EPB41: variants seen among roughly 807,000 people sequenced by gnomAD.
EPB41 encodes the protein erythrocyte membrane protein band 4.1.
In EPB41, 65 loss-of-function variants were observed where a neutral mutation model predicts 108.0. The ratio of observed to expected loss-of-function variants is 0.60; its 90% confidence interval spans 0.49 to 0.74. The LOEUF is 0.74. Ranked by LOEUF, EPB41 falls within the 30% of genes least tolerant of loss-of-function variation. The probability of loss-of-function intolerance (pLI) is 0.00; values close to 1 mark genes in which losing one functional copy is unlikely to be tolerated. For missense variants in EPB41, 875 were observed against 1,037.0 expected (o/e 0.84, Z 2.15); for synonymous variants, 336 against 358.9 (o/e 0.94, Z 0.72).
At chr1:29,069,386 C>G in intron 16 of EPB41, 1 of 1,229,592 alleles carries the variant, frequency 8.1e-7, no homozygotes, top group Non-Finnish European at 1.0e-6. Flanking sequence ...AAAAAACTTT[C>G]TTTAAAAGTG....
At chr1:29,016,513 T>C (rs1002595768) in intron 6 of EPB41, among the ~76,000 whole-genome samples, 1 of 151,966 alleles carries the variant, frequency 6.6e-6, no homozygotes, top group Non-Finnish European at 1.5e-5. Flanking sequence ...CTTATAGGTA[T>C]CAAAAAAGCT....
chr1:29,049,476 A>G (rs761945614), intron 11 of EPB41, among the ~76,000 whole-genome samples: 6 of 151,942 alleles, frequency 3.9e-5, no homozygotes, highest in Non-Finnish European at 8.8e-5. Flanking sequence ...CCCAAGCCTC[A>G]CTCTTGGATA....
intron 6 of EPB41, among the ~76,000 whole-genome samples, chr1:29,016,677 C>T (rs1572515340): frequency 6.6e-6 from 1 of 151,776 alleles, no homozygotes; most frequent in Non-Finnish European, 1.5e-5. Context: ...AAGAAAATGG[C>T]TTTTATTGGA....
At chr1:28,988,999 A>C (rs2095941543) in intron 2 of EPB41, among the ~76,000 whole-genome samples, 1 of 152,198 alleles carries the variant, frequency 6.6e-6, no homozygotes, top group African/African-American at 2.4e-5. Flanking sequence ...TTTAGAGTTC[A>C]TTTTTGTGGA....
rs569166347 is a variant in EPB41, at chr1:28,917,586, CAT to C, written c.-8+2821_-8+2822del. On this transcript the variant is annotated intron_variant, in intron 1 of 20. Coordinates refer to ENST00000343067, the MANE Select transcript of EPB41 (RefSeq NM_001376013.1). ...GAGCCACCGTGCCTGGCCCTGTATA[CAT>C]ATGTTTTTAGAGACAGGGATCTTAC... 2.6e-3 allele frequency among the ~76,000 whole-genome samples: 383 copies of C among 149,244 alleles called. 2 individuals are homozygous for C. The highest frequency in any genetic ancestry group is 4.4e-3 in the Non-Finnish European group (296 of 67,190).
At chr1:29,061,609 TCA>T (rs1168351631) in intron 15 of EPB41, among the ~76,000 whole-genome samples, 35 of 121,182 alleles carry the variant, frequency 2.9e-4, no homozygotes, top group Non-Finnish European at 5.4e-4. Flanking sequence ...GAGGCGGGTC[TCA>T]CAGTGTTACC....
chr1:29,011,816 G>A lies in EPB41; in HGVS notation c.787-49G>A, dbSNP rs1031098692. ...GTGATCTTGCTTCCAGTACTCTGTT[G>A]TTTATGTGTTTTGGAGCTCTGTGTG... On this transcript the variant is annotated intron_variant, in intron 4 of 20. Transcript: ENST00000343067. 3 of 1,606,792 alleles carry A rather than the reference G, an allele frequency of 1.9e-6. No individual in the cohort carries two copies. The African/African-American group carries it at 4.0e-5, about 22-fold the overall frequency.
intron 8 of EPB41, among the ~76,000 whole-genome samples, chr1:29,030,785 A>G (rs1296861339): frequency 1.3e-5 from 2 of 151,930 alleles, no homozygotes. Flanking sequence ...CAAAAAAAAA[A>G]AAGAGAGAGA....
At chr1:29,043,497 A>G (rs912271306) in intron 11 of EPB41, among the ~76,000 whole-genome samples, 9 of 152,250 alleles carry the variant, frequency 5.9e-5, no homozygotes, top group Non-Finnish European at 7.3e-5. Context: ...AGAACTTGAA[A>G]TGTGGCTATG....
chr1:28,917,618 T>C (rs2092778588), intron 1 of EPB41, among the ~76,000 whole-genome samples: 1 of 152,024 alleles, frequency 6.6e-6, no homozygotes, highest in African/African-American at 2.4e-5. Context: ...TCTTACCTTG[T>C]TGCCCAAGCT....
intron 16 of EPB41, among the ~76,000 whole-genome samples, chr1:29,087,061 C>G (rs774898309): frequency 6.7e-6 from 1 of 149,970 alleles, no homozygotes; most frequent in Non-Finnish European, 1.5e-5. Context: ...TCTCCTGCCT[C>G]AGCCTGAGTA....
chr1:29,099,864 A>G (rs951409759), intron 17 of EPB41, among the ~76,000 whole-genome samples: 4 of 152,384 alleles, frequency 2.6e-5, no homozygotes, highest in Admixed American at 6.5e-5. Context: ...TAGGAGAAAC[A>G]GGCAATAAAG....
chr1:28,959,927 C>T (rs1440717205), intron 1 of EPB41, among the ~76,000 whole-genome samples: 1 of 151,370 alleles, frequency 6.6e-6, no homozygotes, highest in Non-Finnish European at 1.5e-5. Context: ...ATCTGCCTGC[C>T]TTGACCTCCC....
At position 28,887,811 on chromosome 1, in the gene EPB41, A is replaced by G. The variant is rs2089618034; in HGVS notation, c.-8+601A>G. On this transcript the variant is annotated intron_variant, in intron 1 of 16. Coordinates refer to the EPB41 transcript ENST00000347529. This position sits in a 1 kb window ranked among gnomAD's most constrained non-coding sequence, Gnocchi z 4.9. ...GCGCCAGCCCCACACCCTCCCTGCC[A>G]GGCTTGGTCTAGGGGACTTCCCTCT... 14 of 408,204 alleles carry G rather than the reference A, an allele frequency of 3.4e-5. 1 individual carries two copies. The highest frequency in any genetic ancestry group is 1.6e-4 in the East Asian group (1 of 6,262). 25.3% of individuals were successfully genotyped at this position (408,204 alleles called of 1,614,324 possible). A position where few individuals can be genotyped will look rare whatever the true frequency, so the allele number is the denominator to read the frequency against.
In EPB41 at chr1:29,106,501, A is replaced by G. The variant is rs77992537; in HGVS notation, c.2314-2835A>G. On this transcript the variant is annotated intron_variant, in intron 17 of 20. Coordinates refer to ENST00000343067, the MANE Select transcript of EPB41 (RefSeq NM_001376013.1). ...AGATGGAGTTTCACTCTTGTTGCCC[A>G]GGCTGGAGTGCAGTGGCGCAATCTC... Among the ~76,000 whole-genome samples, 66 of 148,422 alleles carry G rather than the reference A, an allele frequency of 4.4e-4. 1 individual carries two copies. The East Asian group carries it at 0.013, about 29-fold the overall frequency.
intron 11 of EPB41, among the ~76,000 whole-genome samples, chr1:29,039,739 A>T (rs10915217): frequency 0.12 from 18,690 of 152,024 alleles, 1,582 homozygotes; most frequent in African/African-American, 0.25. Context: ...GCTTGAACCC[A>T]GGAGGTAGAG....
intron 1 of EPB41, among the ~76,000 whole-genome samples, chr1:28,905,121 C>T (rs1011974431): frequency 4.0e-5 from 6 of 151,790 alleles, no homozygotes; most frequent in African/African-American, 1.5e-4. Flanking sequence ...CTAGCTAGAA[C>T]CCGGGAGATG....
chr1:29,040,886 AG>A (rs1641239395), intron 11 of EPB41, among the ~76,000 whole-genome samples: 1 of 152,090 alleles, frequency 6.6e-6, no homozygotes, highest in Non-Finnish European at 1.5e-5. Flanking sequence ...CTATAATCGC[AG>A]CACTTTGGGA....
intron 12 of EPB41, chr1:29,054,363 G>A (rs1025961770): frequency 2.0e-5 from 3 of 152,106 alleles, no homozygotes; most frequent in Non-Finnish European, 4.4e-5. Context: ...GTCTTCATAA[G>A]AAGAATTACA....
Sources: gnomAD v4.1 joint callset for allele counts (sites outside exome capture counted in the v4.1 genomes callset) on GRCh38, gnomAD v4.1.1 for gene constraint, Gnocchi (gnomAD v3.1) non-coding constraint, MANE v1.5 for transcripts, NCBI Gene and HGNC (gene_info 2026-07-23, HGNC 2026-07-21) for gene names.